EPB41L2: variants seen among roughly 807,000 people sequenced by gnomAD.
EPB41L2 encodes the protein erythrocyte membrane protein band 4.1 like 2.
In EPB41L2, 43 loss-of-function variants were observed where a neutral mutation model predicts 113.0. That is an observed-to-expected ratio of 0.38 (90% confidence interval 0.30 to 0.49). The LOEUF (loss-of-function observed/expected upper bound fraction) is 0.49. Ranked by LOEUF, EPB41L2 falls within the 20% of genes least tolerant of loss-of-function variation. The probability of loss-of-function intolerance (pLI) is 0.95; values close to 1 mark genes in which losing one functional copy is unlikely to be tolerated. For synonymous variants in EPB41L2, 442 were observed against 436.7 expected (o/e 1.01, Z -0.15); for missense variants, 1,147 against 1,223.4 (o/e 0.94, Z 0.93).
At chr6:130,933,145 G>T (rs1382497617) in intron 3 of EPB41L2, among the ~76,000 whole-genome samples, 1 of 152,114 alleles carries the variant, frequency 6.6e-6, no homozygotes. Context: ...AAGGACAGGG[G>T]GTTTCCTAGT....
At chr6:130,867,086 C>A (rs890732801) in intron 16 of EPB41L2, among the ~76,000 whole-genome samples, 1 of 152,070 alleles carries the variant, frequency 6.6e-6, no homozygotes, top group Non-Finnish European at 1.5e-5. Context: ...ACAATTAGAT[C>A]GGATTATTAT....
intron 1 of EPB41L2, among the ~76,000 whole-genome samples, chr6:131,007,898 G>C (rs916402083): frequency 6.6e-6 from 1 of 152,152 alleles, no homozygotes; most frequent in Non-Finnish European, 1.5e-5. Flanking sequence ...ACAAAGAGGT[G>C]GTTTAAAATT....
At chr6:130,976,183 G>T (rs1318687057) in intron 1 of EPB41L2, among the ~76,000 whole-genome samples, 1 of 152,094 alleles carries the variant, frequency 6.6e-6, no homozygotes, top group Non-Finnish European at 1.5e-5. Flanking sequence ...TTCCCAGTCG[G>T]TCTATAAAAT....
intron 3 of EPB41L2, among the ~76,000 whole-genome samples, chr6:130,944,556 C>A (rs1254900510): frequency 2.6e-5 from 4 of 152,068 alleles, no homozygotes; most frequent in Non-Finnish European, 5.9e-5. Context: ...TGCTTAATTG[C>A]CAAACTAATG....
At chr6:130,900,725 C>T (rs1190737989) in intron 7 of EPB41L2, among the ~76,000 whole-genome samples, 1 of 152,140 alleles carries the variant, frequency 6.6e-6, no homozygotes, top group Non-Finnish European at 1.5e-5. Flanking sequence ...GGGAAAAGTA[C>T]ATTTTTCCAA....
intron 19 of EPB41L2, among the ~76,000 whole-genome samples, chr6:130,850,190 A>G (rs926463902): frequency 6.6e-6 from 1 of 152,174 alleles, no homozygotes; most frequent in Non-Finnish European, 1.5e-5. Context: ...GTGAACCAAG[A>G]TCGTGCCACT....
chr6:130,927,844 G>A (rs9492758), intron 3 of EPB41L2, among the ~76,000 whole-genome samples: 2,154 of 152,278 alleles, frequency 0.014, 62 homozygotes, highest in African/African-American at 0.049. Flanking sequence ...TGTAATCCCA[G>A]CACTTTGGGA....
At chr6:130,880,013 C>T in intron 13 of EPB41L2, 131 bp downstream of exon 13, 1 of 644,386 alleles carries the variant, frequency 1.6e-6, no homozygotes, top group Non-Finnish European at 2.7e-6. Context: ...ACATGCACTC[C>T]CGAGCTGAAT....
intron 4 of EPB41L2, among the ~76,000 whole-genome samples, chr6:130,913,929 G>A (rs1029758019): frequency 1.3e-5 from 2 of 152,088 alleles, no homozygotes; most frequent in Non-Finnish European, 2.9e-5. Flanking sequence ...GCATGAGGGT[G>A]TGTGTGCACA....
At chr6:131,005,230 AT>A (rs1279964157) in intron 1 of EPB41L2, among the ~76,000 whole-genome samples, 1 of 151,706 alleles carries the variant, frequency 6.6e-6, no homozygotes, top group East Asian at 1.9e-4. Flanking sequence ...TCAGTTTTCA[AT>A]TATCTACTGC....
chr6:130,876,465 GA>G (rs372227020), intron 14 of EPB41L2, among the ~76,000 whole-genome samples: 184 of 152,250 alleles, frequency 1.2e-3, no homozygotes, highest in African/African-American at 4.2e-3. Context: ...TTCAAATTTT[GA>G]CTTTTCAAGT....
intron 1 of EPB41L2, among the ~76,000 whole-genome samples, chr6:131,020,160 A>G (rs1789118519): frequency 6.6e-6 from 1 of 152,110 alleles, no homozygotes; most frequent in Admixed American, 6.5e-5. Flanking sequence ...TTTCTTAGAT[A>G]AAATGTTAAA....
At chr6:131,008,991 A>G (rs921287133) in intron 1 of EPB41L2, among the ~76,000 whole-genome samples, 2 of 152,194 alleles carry the variant, frequency 1.3e-5, no homozygotes, top group Middle Eastern at 3.2e-3. Context: ...GGAATGAGTT[A>G]AGACTTTGGG....
intron 1 of EPB41L2, among the ~76,000 whole-genome samples, chr6:131,034,038 C>T (rs566647729): frequency 2.0e-5 from 3 of 152,260 alleles, no homozygotes; most frequent in African/African-American, 7.2e-5. Flanking sequence ...CCAACAATTA[C>T]TTGAAGACAT....
chr6:130,895,176 A>G (rs1300596802), intron 8 of EPB41L2, 57 bp from the exon 9 acceptor site: 21 of 1,530,592 alleles, frequency 1.4e-5, no homozygotes, highest in African/African-American at 6.9e-5. Context: ...ACACAAATCA[A>G]GAAGCTAATT....
At chr6:130,875,551 C>T (rs1374420371) in intron 14 of EPB41L2, among the ~76,000 whole-genome samples, 1 of 152,082 alleles carries the variant, frequency 6.6e-6, no homozygotes, top group African/African-American at 2.4e-5. Context: ...ACATGTCCAC[C>T]TGGTTATCAT....
chr6:130,981,908 C>T (rs2128676618), intron 1 of EPB41L2, among the ~76,000 whole-genome samples: 1 of 152,164 alleles, frequency 6.6e-6, no homozygotes, highest in Middle Eastern at 3.4e-3. Flanking sequence ...TAAAGATATA[C>T]ATTTTTAAAA....
chr6:130,956,562 G>A, intron 1 of EPB41L2, 63 bp from the exon 2 acceptor site: 1 of 1,438,880 alleles, frequency 6.9e-7, no homozygotes, highest in Non-Finnish European at 9.3e-7. Context: ...TAGTTTGGTT[G>A]CGAGGGGCAT....
rs926056605 is a variant in EPB41L2, at chr6:131,059,848, T to A, written c.-15+3307A>T. ...GAAATCTGTAAGGGTACCCAGTGGT[T>A]AGGTACAGTAATTCTGAATCTGAAA... On this transcript the variant is annotated intron_variant, in intron 1 of 19. Coordinates refer to ENST00000337057, the MANE Select transcript of EPB41L2 (RefSeq NM_001431.4). Among the ~76,000 whole-genome samples the A allele has an allele frequency of 1.3e-5, 2 of 152,200 alleles. 1 individual carries two copies. Among genetic ancestry groups the A allele is most frequent in the East Asian group, 3.9e-4 (2 of 5,194 alleles).
Sources: gnomAD v4.1 joint callset for allele counts (sites outside exome capture counted in the v4.1 genomes callset) on GRCh38, gnomAD v4.1.1 for gene constraint, MANE v1.5 for transcripts, NCBI Gene and HGNC (gene_info 2026-07-23, HGNC 2026-07-21) for gene names.